SYCP1: variants seen among roughly 807,000 people sequenced by gnomAD.
The protein encoded by SYCP1 is cancer/testis antigen 8.
A neutral mutation model predicts 153.1 loss-of-function variants in SYCP1; 64 were observed. The ratio of observed to expected loss-of-function variants is 0.42; its 90% CI spans 0.34 to 0.51. The LOEUF is 0.51. SYCP1 is among the 20% of genes least tolerant of loss of function. The pLI, the probability that SYCP1 is intolerant of heterozygous loss-of-function variation, is 0.06. For missense variants in SYCP1, 997 were observed against 1,049.0 expected (o/e 0.95, Z 0.68); for synonymous variants, 384 against 341.8 (o/e 1.12, Z -1.36).
intron 15 of SYCP1, among the ~76,000 whole-genome samples, chr1:114,893,203 C>T (rs995131469): frequency 1.3e-5 from 2 of 152,080 alleles, no homozygotes; most frequent in Non-Finnish European, 1.5e-5. Context: ...TTTAAACTTT[C>T]GTCTTACATT....
chr1:114,882,041 T>C (rs1442759894), intron 12 of SYCP1, among the ~76,000 whole-genome samples: 2 of 152,026 alleles, frequency 1.3e-5, no homozygotes, highest in African/African-American at 4.8e-5. Context: ...ATTTTCTGAG[T>C]AAGAAAAAAA....
At chr1:114,971,332 AAGGGGGAT>A (rs1672477348) in intron 27 of SYCP1, among the ~76,000 whole-genome samples, 1 of 152,058 alleles carries the variant, frequency 6.6e-6, no homozygotes, top group Non-Finnish European at 1.5e-5. Flanking sequence ...GTTATGTTCC[AAGGGGGAT>A]TATGGCTCCC....
intron 1 of SYCP1, 43 bp from the exon 2 acceptor site, chr1:114,855,398 G>T: frequency 8.1e-7 from 1 of 1,233,046 alleles, no homozygotes; most frequent in East Asian, 2.5e-5. Context: ...GACACTCGGT[G>T]AAAAAAAACT....
intron 8 of SYCP1, among the ~76,000 whole-genome samples, chr1:114,865,701 A>G (rs1425624100): frequency 1.3e-5 from 2 of 152,050 alleles, no homozygotes; most frequent in Non-Finnish European, 2.9e-5. Flanking sequence ...TAGGCACATC[A>G]TAATTGTCCA....
chr1:114,994,864 A>C lies in SYCP1; in HGVS notation c.2794-18A>C, dbSNP rs1340219495. 3 of 1,576,918 alleles carry C rather than the reference A, an allele frequency of 1.9e-6. No homozygotes were observed. The highest frequency in any genetic ancestry group is 2.6e-6 in the Non-Finnish European group (3 of 1,168,676). ...AAATTAAACATGTTATGATTTTTAA[A>C]TTTTATTTTGTACTCAGGCCCCTTC... On this transcript the variant is annotated intron_variant, in intron 31 of 31. Coordinates refer to ENST00000369522, the MANE Select transcript of SYCP1 (RefSeq NM_003176.4).
Position 114,855,552 on chromosome 1 carries a change from G to A in SYCP1, c.88G>A (p.Gly30Ser). The A allele has an allele frequency of 6.2e-7, 1 of 1,607,898 alleles. No homozygotes were observed. Among genetic ancestry groups the A allele is most frequent in the Non-Finnish European group, 8.5e-7 (1 of 1,176,584 alleles). ...TGCGGTGAAACCTCAGACCCTGGGA[G>A]GCGATTCCACTTTCTTCAAGGTAAA... ...VSAVKPQTLG[G>S]DSTFFKSFNK... The change falls in exon 2 of 32, where the codon GGC becomes AGC. Residue 30 changes from glycine (G) to serine (S), a missense_variant. By Grantham distance (56) the Gly-to-Ser change is moderately conservative (BLOSUM62 0). Coordinates refer to ENST00000369522, the MANE Select transcript of SYCP1 (RefSeq NM_003176.4).
intron 18 of SYCP1, 112 bp from the exon 19 acceptor site, chr1:114,912,921 G>A: frequency 1.5e-6 from 1 of 689,364 alleles, no homozygotes; most frequent in Non-Finnish European, 2.4e-6. Flanking sequence ...TTTGTTTCAT[G>A]TTTTTCCCCC....
chr1:114,975,659 C>T (rs1672757228), intron 27 of SYCP1, among the ~76,000 whole-genome samples: 1 of 151,626 alleles, frequency 6.6e-6, no homozygotes, highest in Non-Finnish European at 1.5e-5. Context: ...TACCTATAAG[C>T]CCATTGGTAT....
intron 23 of SYCP1, among the ~76,000 whole-genome samples, chr1:114,941,676 A>T (rs1416179074): frequency 6.6e-6 from 1 of 152,040 alleles, no homozygotes; most frequent in African/African-American, 2.4e-5. Flanking sequence ...AGAAAGAAAA[A>T]ATAGAGTGAA....
intron 12 of SYCP1, among the ~76,000 whole-genome samples, chr1:114,882,664 T>A (rs1345759077): frequency 6.6e-6 from 1 of 152,194 alleles, no homozygotes; most frequent in Non-Finnish European, 1.5e-5. Flanking sequence ...TTTGACTTTA[T>A]GCTCATTTTT....
intron 20 of SYCP1, among the ~76,000 whole-genome samples, chr1:114,915,524 G>A (rs112430444): frequency 1.3e-5 from 2 of 152,126 alleles, no homozygotes; most frequent in African/African-American, 4.8e-5. Context: ...CACATTATCA[G>A]TTATTTCTGG....
intron 27 of SYCP1, among the ~76,000 whole-genome samples, chr1:114,951,471 C>T (rs1421977401): frequency 6.6e-6 from 1 of 152,102 alleles, no homozygotes; most frequent in Non-Finnish European, 1.5e-5. Context: ...TATTTCTTTA[C>T]AAAATATTTA....
chr1:114,906,865 T>C (rs1306885521), intron 16 of SYCP1, among the ~76,000 whole-genome samples: 1 of 152,182 alleles, frequency 6.6e-6, no homozygotes, highest in African/African-American at 2.4e-5. Flanking sequence ...GCTGATGGTG[T>C]TGTACAAATA....
At chr1:114,858,834 A>G (rs1664185989) in intron 6 of SYCP1, 123 bp downstream of exon 6, 3 of 875,518 alleles carry the variant, frequency 3.4e-6, no homozygotes. Context: ...TTTTAAGGAT[A>G]ATGCTTTTTA....
intron 8 of SYCP1, among the ~76,000 whole-genome samples, chr1:114,864,168 G>A (rs890039306): frequency 6.6e-6 from 1 of 151,684 alleles, no homozygotes; most frequent in Non-Finnish European, 1.5e-5. Context: ...TGAGGGGAGA[G>A]GATACAGATC....
At chr1:114,945,305 G>A (rs953331596) in intron 25 of SYCP1, among the ~76,000 whole-genome samples, 2 of 151,816 alleles carry the variant, frequency 1.3e-5, no homozygotes, top group African/African-American at 4.8e-5. Context: ...ACATAACCAG[G>A]ATAAGTATCT....
chr1:114,984,820 C>G lies in SYCP1; in HGVS notation c.2655C>G (p.Ala885=). 1 of 1,497,072 alleles carries G rather than the reference C, an allele frequency of 6.7e-7. No homozygotes were observed. Among genetic ancestry groups the G allele is most frequent in the African/African-American group, 1.4e-5 (1 of 69,482 alleles). 92.7% of individuals were successfully genotyped at this position (1,497,072 alleles called of 1,614,324 possible). ...IEESKKKRKM[A]FEFDINSDSS... ...AAAGTAAAAAAAAGAGAAAAATGGC[C>G]TTTGAATTTGATATTAATTCAGATA... Residue 885 remains alanine, a synonymous_variant, in exon 30 of 32, where the codon GCC becomes GCG. Transcript: ENST00000369522.
At chr1:114,890,730 A>G (rs1666652213) in intron 15 of SYCP1, among the ~76,000 whole-genome samples, 1 of 152,136 alleles carries the variant, frequency 6.6e-6, no homozygotes, top group African/African-American at 2.4e-5. Context: ...ATCTTGAAGG[A>G]TATTCTGTAC....
At chr1:114,945,303 A>G (rs1168741012) in intron 25 of SYCP1, among the ~76,000 whole-genome samples, 2 of 152,102 alleles carry the variant, frequency 1.3e-5, no homozygotes, top group Admixed American at 6.5e-5. Context: ...GTACATAACC[A>G]GGATAAGTAT....
Sources: gnomAD v4.1 joint callset for allele counts (sites outside exome capture counted in the v4.1 genomes callset) on GRCh38, gnomAD v4.1.1 for gene constraint, MANE v1.5 for transcripts, NCBI Gene and HGNC (gene_info 2026-07-23, HGNC 2026-07-21) for gene names.